TENM3: variants seen among roughly 807,000 people sequenced by gnomAD.
The protein encoded by TENM3 is teneurin-3.
Under a neutral mutation model 255.1 loss-of-function variants are expected in TENM3, and 63 were observed. That is an observed-to-expected ratio of 0.25 (90% CI 0.20 to 0.30). The LOEUF (loss-of-function observed/expected upper bound fraction) is 0.30. TENM3 is among the 10% of genes least tolerant of loss of function. The pLI, the probability that TENM3 is intolerant of heterozygous loss-of-function variation, is 1.00. For synonymous variants in TENM3, 1,306 were observed against 1,322.3 expected, an observed-to-expected ratio of 0.99 and a Z score of 0.27; for missense variants, 2,929 against 3,461.1, an observed-to-expected ratio of 0.85 and a Z score of 3.86.
At chr4:181,581,268 C>A in the TENM3 span, among the ~76,000 whole-genome samples, 16 of 152,184 alleles carry the variant, frequency 1.1e-4, no homozygotes, top group South Asian at 4.2e-4. Context: ...TGGTGAAGCC[C>A]CATCTCTGTG....
At chr4:181,957,583 G>A in the TENM3 span, among the ~76,000 whole-genome samples, 2 of 152,136 alleles carry the variant, frequency 1.3e-5, no homozygotes, top group African/African-American at 4.8e-5. Flanking sequence ...AAATGTGCCA[G>A]TATATCAGCA....
chr4:182,353,232 A>C (rs1765298619), intron 3 of TENM3, among the ~76,000 whole-genome samples: 1 of 152,178 alleles, frequency 6.6e-6, no homozygotes, highest in African/African-American at 2.4e-5. Context: ...TGATTGAAAG[A>C]CATAAAATGG....
intron 3 of TENM3, among the ~76,000 whole-genome samples, chr4:182,484,570 T>G (rs115765502): frequency 0.022 from 3,370 of 152,292 alleles, 71 homozygotes; most frequent in East Asian, 0.068. Context: ...TTTGAATGAT[T>G]GTGTGCCTAC....
At chr4:182,642,728 A>G (rs1216505098) in intron 5 of TENM3, among the ~76,000 whole-genome samples, 1 of 152,224 alleles carries the variant, frequency 6.6e-6, no homozygotes, top group African/African-American at 2.4e-5. Context: ...ATGTAATACA[A>G]AGAGGAACTT....
chr4:182,512,358 C>T lies in TENM3; in HGVS notation c.512-88566C>T, dbSNP rs149600309. 5.5e-3 allele frequency among the ~76,000 whole-genome samples: 836 copies of T among 152,220 alleles called. 4 individuals carry two copies. The highest frequency in any genetic ancestry group is 9.8e-3 in the Non-Finnish European group (664 of 68,010). Reference sequence around the variant, plus strand: ...AGAGTCACCAGATGGGAAGAGCCCACGTCTGAGTTACCACGTGGAAAGTTG... The same window carrying T: ...AGAGTCACCAGATGGGAAGAGCCCATGTCTGAGTTACCACGTGGAAAGTTG... On this transcript the variant is annotated intron_variant, in intron 3 of 27. Transcript: ENST00000511685.
chr4:182,401,873 T>C (rs1276810346), intron 3 of TENM3, among the ~76,000 whole-genome samples: 1 of 152,204 alleles, frequency 6.6e-6, no homozygotes, highest in Non-Finnish European at 1.5e-5. Flanking sequence ...GAAAACTTAA[T>C]AAGGAATTGG....
chr4:182,248,238 C>T (rs1323305853), intron 1 of TENM3, among the ~76,000 whole-genome samples: 1 of 152,092 alleles, frequency 6.6e-6, no homozygotes, highest in African/African-American at 2.4e-5. Flanking sequence ...TCTGCACATA[C>T]ATCCCAGAAC....
chr4:181,701,566 C>CA, the TENM3 span, among the ~76,000 whole-genome samples: 2 of 53,026 alleles, frequency 3.8e-5, no homozygotes, highest in African/African-American at 7.9e-5. Context: ...ATCAGTTTCT[C>CA]AGTCTGAAAT....
chr4:182,245,478 G>C (rs541845527), intron 1 of TENM3, among the ~76,000 whole-genome samples: 161 of 152,284 alleles, frequency 1.1e-3, no homozygotes, highest in Admixed American at 5.6e-3. Context: ...ATTCTCTGTT[G>C]CTTTTCCAGC....
At chr4:181,485,161 C>T in the TENM3 span, among the ~76,000 whole-genome samples, 3 of 152,082 alleles carry the variant, frequency 2.0e-5, no homozygotes, top group East Asian at 1.9e-4. Flanking sequence ...TGATTTTAAA[C>T]GGTAGTCACT....
chr4:182,721,190 T>C (rs1407660142), intron 13 of TENM3, among the ~76,000 whole-genome samples: 3 of 152,178 alleles, frequency 2.0e-5, no homozygotes, highest in African/African-American at 7.2e-5. Context: ...TGTCTTTCCA[T>C]GTTAAGAACC....
At chr4:182,045,364 A>G in the TENM3 span, among the ~76,000 whole-genome samples, 2 of 151,772 alleles carry the variant, frequency 1.3e-5, no homozygotes, top group Non-Finnish European at 2.9e-5. Context: ...ATTTCTAAGT[A>G]CGATGTCCAT....
chr4:181,940,566 G>A, the TENM3 span, among the ~76,000 whole-genome samples: 2 of 152,174 alleles, frequency 1.3e-5, no homozygotes, highest in Admixed American at 1.3e-4. Flanking sequence ...GAAAATTAAA[G>A]CAGGGTAAAG....
Position 182,800,144 on chromosome 4 carries a change from G to C in TENM3, c.7893G>C (p.Arg2631=). The C allele has an allele frequency of 1.4e-6, 2 of 1,454,398 alleles. No individual in the cohort carries two copies. The highest frequency in any genetic ancestry group is 1.8e-6 in the Non-Finnish European group (2 of 1,112,930). 90.1% of individuals were successfully genotyped at this position (1,454,398 alleles called of 1,614,324 possible). Residue 2631 remains arginine (R), a synonymous_variant, in exon 28 of 28, where the codon CGG becomes CGC. Transcript: ENST00000511685. ...LEQARQRALA[R]AWAREQQRVR... ...AGGCGCGGCAGCGCGCGCTCGCCCGGGCCTGGGCGCGCGAGCAGCAGCGCG... is the reference window on the plus strand; with the variant it reads ...AGGCGCGGCAGCGCGCGCTCGCCCGCGCCTGGGCGCGCGAGCAGCAGCGCG...
chr4:182,791,184 A>T (rs1234680746), intron 25 of TENM3, among the ~76,000 whole-genome samples: 1 of 152,226 alleles, frequency 6.6e-6, no homozygotes, highest in Non-Finnish European at 1.5e-5. Flanking sequence ...TTCTCAGGAC[A>T]TTTACTACAC....
chr4:181,987,577 G>C, the TENM3 span, among the ~76,000 whole-genome samples: 8 of 152,078 alleles, frequency 5.3e-5, no homozygotes, highest in Admixed American at 5.2e-4. Context: ...CTCAATATGC[G>C]TAGAGTGTTG....
At chr4:181,476,389 G>C in the TENM3 span, among the ~76,000 whole-genome samples, 2 of 152,008 alleles carry the variant, frequency 1.3e-5, no homozygotes, top group Non-Finnish European at 1.5e-5. Flanking sequence ...GTGAGGGCAG[G>C]TTCCTCCCAC....
At chr4:182,785,297 G>T (rs533587483) in intron 24 of TENM3, among the ~76,000 whole-genome samples, 1 of 151,862 alleles carries the variant, frequency 6.6e-6, no homozygotes, top group South Asian at 2.1e-4. Flanking sequence ...GTCTCAAACT[G>T]CTGACCTTAA....
intron 13 of TENM3, among the ~76,000 whole-genome samples, chr4:182,720,196 G>C (rs949810391): frequency 2.0e-5 from 3 of 152,036 alleles, no homozygotes; most frequent in Non-Finnish European, 4.4e-5. Flanking sequence ...TGAATGGAGA[G>C]ATCTATATTT....
Sources: allele counts gnomAD v4.1 joint callset (sites outside exome capture counted in the v4.1 genomes callset), GRCh38; gene constraint gnomAD v4.1.1; transcripts MANE v1.5; gene names NCBI Gene and HGNC (gene_info 2026-07-23, HGNC 2026-07-21).